The following ROBO2 variants were observed in gnomAD, a reference collection of about 807,000 sequenced individuals.
ROBO2 encodes the protein roundabout homolog 2.
Under a neutral mutation model 160.8 loss-of-function variants are expected in ROBO2, and 53 were observed. The ratio of observed to expected loss-of-function variants is 0.33; its 90% CI spans 0.26 to 0.41. The LOEUF is 0.41. ROBO2 is among the 10% of genes least tolerant of loss of function. The pLI, the probability that ROBO2 is intolerant of heterozygous loss-of-function variation, is 1.00. For missense variants in ROBO2, 1,577 were observed against 1,722.4 expected (o/e 0.92, Z 1.49); for synonymous variants, 664 against 611.7 (o/e 1.09, Z -1.26).
chr3:76,588,518 C>T (rs1377541959), intron 2 of ROBO2, among the ~76,000 whole-genome samples: 1 of 152,054 alleles, frequency 6.6e-6, no homozygotes, highest in Non-Finnish European at 1.5e-5. Flanking sequence ...TGTTGAAAAG[C>T]ATTTCAAAAA....
intron 2 of ROBO2, among the ~76,000 whole-genome samples, chr3:76,908,549 T>C (rs2148914770): frequency 6.6e-6 from 1 of 152,312 alleles, no homozygotes; most frequent in Middle Eastern, 3.4e-3. Flanking sequence ...CTTCACAATG[T>C]CTTTTTTCCT....
At chr3:77,602,388 G>T (rs766534031) in exon 20 of ROBO2, 2 of 1,613,988 alleles carry the variant, frequency 1.2e-6, no homozygotes, top group Non-Finnish European at 8.5e-7. Context: ...TACATGAATT[G>T]GCTGTCGATC....
At chr3:77,166,405 C>T (rs1409212173) in intron 2 of ROBO2, among the ~76,000 whole-genome samples, 1 of 152,094 alleles carries the variant, frequency 6.6e-6, no homozygotes, top group Non-Finnish European at 1.5e-5. Flanking sequence ...GATTCAATTG[C>T]ATCTATCATA....
At chr3:77,366,748 G>A (rs1157219550) in intron 2 of ROBO2, among the ~76,000 whole-genome samples, 1 of 149,508 alleles carries the variant, frequency 6.7e-6, no homozygotes, top group African/African-American at 2.4e-5. Context: ...GAGGTCACAT[G>A]GCCAGAGAGG....
chr3:76,423,220 G>A (rs1370928714), intron 2 of ROBO2, among the ~76,000 whole-genome samples: 3 of 152,188 alleles, frequency 2.0e-5, no homozygotes, highest in African/African-American at 7.2e-5. Context: ...TCTCCCTGGA[G>A]AACAGAAGAG....
At chr3:77,602,466 A>T (rs2094447374) in exon 20 of ROBO2, 1 of 1,613,962 alleles carries the variant, frequency 6.2e-7, no homozygotes, top group African/African-American at 1.3e-5. Flanking sequence ...GTTATTCTCT[A>T]CCTGATCAGA....
chr3:76,517,767 A>G (rs1329807412), intron 2 of ROBO2, among the ~76,000 whole-genome samples: 3 of 152,128 alleles, frequency 2.0e-5, no homozygotes, highest in Admixed American at 1.3e-4. Context: ...TGGTTGGACT[A>G]TATACTTGAA....
At chr3:77,281,315 C>CTTTT (rs34583054) in intron 2 of ROBO2, among the ~76,000 whole-genome samples, 12,257 of 152,094 alleles carry the variant, frequency 0.081, 638 homozygotes, top group East Asian at 0.3. Flanking sequence ...ATCCTTCTTT[C>CTTTT]GTTACCTCCC....
chr3:77,388,843 A>G (rs1268145661), intron 2 of ROBO2, among the ~76,000 whole-genome samples: 2 of 152,238 alleles, frequency 1.3e-5, no homozygotes, highest in Non-Finnish European at 2.9e-5. Flanking sequence ...GTCTCTAAAG[A>G]CAATTTTTAA....
At chr3:77,595,079 A>G (rs2094268916) in intron 17 of ROBO2, 63 bp from the exon 19 acceptor site, 1 of 1,333,636 alleles carries the variant, frequency 7.5e-7, no homozygotes, top group Non-Finnish European at 1.1e-6. Flanking sequence ...TGTAGTTGTT[A>G]TTAATTGTAA....
intron 2 of ROBO2, among the ~76,000 whole-genome samples, chr3:77,355,654 T>C (rs185279392): frequency 8.7e-4 from 132 of 152,242 alleles, no homozygotes; most frequent in Admixed American, 7.1e-3. Flanking sequence ...AAACATTTAA[T>C]ACTAAAAAAC....
chr3:76,224,351 G>A (rs965230967), intron 2 of ROBO2, among the ~76,000 whole-genome samples: 2 of 152,182 alleles, frequency 1.3e-5, no homozygotes, highest in Non-Finnish European at 2.9e-5. Context: ...AAACTTAAGA[G>A]GATATGAGGC....
intron 2 of ROBO2, among the ~76,000 whole-genome samples, chr3:76,681,132 A>C (rs905490411): frequency 2.6e-5 from 4 of 152,210 alleles, no homozygotes; most frequent in Non-Finnish European, 5.9e-5. Context: ...GCCAGTGAGC[A>C]TATGAATACC....
At chr3:76,670,080 T>C (rs1246304780) in intron 2 of ROBO2, among the ~76,000 whole-genome samples, 2 of 152,178 alleles carry the variant, frequency 1.3e-5, no homozygotes, top group East Asian at 1.9e-4. Context: ...GTTTATGAAT[T>C]TTATATTGAT....
intron 2 of ROBO2, among the ~76,000 whole-genome samples, chr3:77,476,437 A>C (rs73842889): frequency 0.039 from 5,858 of 151,802 alleles, 142 homozygotes; most frequent in Non-Finnish European, 0.042. Flanking sequence ...GTACTTTGGA[A>C]CCAAACATGT....
At chr3:77,292,006 G>T (rs1182113442) in intron 2 of ROBO2, among the ~76,000 whole-genome samples, 21 of 151,712 alleles carry the variant, frequency 1.4e-4, no homozygotes, top group Middle Eastern at 3.5e-3. Flanking sequence ...CGGGTAAGCT[G>T]AGGCTAGATC....
chr3:77,103,490 T>C (rs2072337150), intron 2 of ROBO2, among the ~76,000 whole-genome samples: 1 of 152,038 alleles, frequency 6.6e-6, no homozygotes, highest in Non-Finnish European at 1.5e-5. Context: ...TTTGCTTTGA[T>C]AAATAAAATG....
chr3:76,677,996 G>A (rs9830758), intron 2 of ROBO2, among the ~76,000 whole-genome samples: 18,781 of 64,158 alleles, frequency 0.29, 4,392 homozygotes, highest in East Asian at 0.58. Context: ...TTGAGATAGA[G>A]TCTTGCTCTT....
chr3:76,253,230 A>G (rs1283330655), intron 2 of ROBO2, among the ~76,000 whole-genome samples: 1 of 152,042 alleles, frequency 6.6e-6, no homozygotes, highest in Admixed American at 6.6e-5. Flanking sequence ...TTGTGGCTAA[A>G]TCTAATGTAA....
Sources: gnomAD v4.1 joint callset for allele counts (sites outside exome capture counted in the v4.1 genomes callset) on GRCh38, gnomAD v4.1.1 for gene constraint, MANE v1.5 for transcripts, NCBI Gene and HGNC (gene_info 2026-07-23, HGNC 2026-07-21) for gene names.